The following OLFM1 variants were observed in gnomAD, a reference collection of about 807,000 sequenced individuals.
OLFM1 encodes the protein noelin.
Under a neutral mutation model 49.7 loss-of-function variants are expected in OLFM1, and 9 were observed. The observed-to-expected ratio is 0.18, with a 90% CI of 0.11 to 0.32. The LOEUF is 0.32. Among genes scored for constraint, OLFM1 ranks in the 10% least tolerant of loss-of-function variants. The pLI, the probability that OLFM1 is intolerant of heterozygous loss-of-function variation, is 1.00. For synonymous variants in OLFM1, 240 were observed against 271.8 expected, an observed-to-expected ratio of 0.88 and a Z score of 1.15; for missense variants, 369 against 661.8, an observed-to-expected ratio of 0.56 and a Z score of 4.85.
upstream of OLFM1, chr9:135,087,562 G>C: frequency 8.9e-7 from 1 of 1,127,258 alleles, no homozygotes. Flanking sequence ...GCGGGGAGCC[G>C]AGCGAGAGGA....
chr9:135,104,714 C>T (rs981223350), intron 4 of OLFM1, among the ~76,000 whole-genome samples: 17 of 152,206 alleles, frequency 1.1e-4, no homozygotes, highest in Admixed American at 3.9e-4. Flanking sequence ...CTTCTCCCAG[C>T]GCCCACCCAG....
upstream of OLFM1, chr9:135,086,868 C>G (rs1383239557): frequency 5.4e-6 from 2 of 371,412 alleles, no homozygotes; most frequent in Non-Finnish European, 1.1e-5. Flanking sequence ...CCACCACAGA[C>G]CCCAGTCCCC....
At chr9:135,089,993 G>A (rs1588206725) in intron 1 of OLFM1, among the ~76,000 whole-genome samples, 1 of 152,198 alleles carries the variant, frequency 6.6e-6, no homozygotes, top group South Asian at 2.1e-4. Flanking sequence ...CCAGCCCTGA[G>A]CCCCCTAACA....
At position 135,088,753 on chromosome 9, in the gene OLFM1, C is replaced by T. The variant is rs1033871567; in HGVS notation, c.150+614C>T. ...GTTCCTTCTCCTCCGAGGACGGTGC[C>T]GAGGGGCTTGGGTGGGGCCCCTGGG... is the stretch of plus-strand genomic sequence containing the variant. On this transcript the variant is annotated intron_variant, in intron 1 of 5. Coordinates refer to ENST00000371793, the MANE Select transcript of OLFM1 (RefSeq NM_001282611.2). This position sits in a 1 kb window ranked among gnomAD's most constrained non-coding sequence, Gnocchi z 4.8. Among the ~76,000 whole-genome samples, 1 of 152,144 alleles carries T rather than the reference C, an allele frequency of 6.6e-6. No homozygotes were observed. Among genetic ancestry groups the T allele is most frequent in the Non-Finnish European group, 1.5e-5 (1 of 68,000 alleles).
In OLFM1 at chr9:135,117,623, C is replaced by G. The variant is rs562685032; in HGVS notation, c.784-1881C>G. On this transcript the variant is annotated intron_variant, in intron 5 of 5. Coordinates refer to ENST00000371793, the MANE Select transcript of OLFM1 (RefSeq NM_001282611.2). The surrounding 1 kb of genome is among the most constrained non-coding windows in gnomAD (Gnocchi z 5.5). ...GCCCCCTTCAGCCCTGGGTTCTGTA[C>G]TGAAGGAGCTCCTTTCTTGCACACG... 6.6e-6 allele frequency among the ~76,000 whole-genome samples: 1 copy of G among 152,260 alleles called. No individual in the cohort carries two copies.
Position 135,087,988 on chromosome 9 carries a change from C to T in OLFM1, c.-2C>T, listed in dbSNP as rs1159999634. ...CGGGCGCTGGAGGCAGCTCGAGGCG[C>T]GATGTCGGTGCCGCTGCTCAAGATC... On this transcript the variant is annotated 5_prime_UTR_variant, in exon 1 of 6. Coordinates refer to ENST00000371793, the MANE Select transcript of OLFM1 (RefSeq NM_001282611.2). 1.3e-5 allele frequency: 19 copies of T among 1,444,128 alleles called. No homozygotes were observed. The highest frequency in any genetic ancestry group is 4.9e-5 in the Admixed American group (2 of 41,054). 89.5% of individuals were successfully genotyped at this position (1,444,128 alleles called of 1,614,324 possible).
rs1170775587 is a variant in OLFM1, at chr9:135,088,214, G to C, written c.150+75G>C. The C allele has an allele frequency of 8.4e-7, 1 of 1,195,798 alleles. No homozygotes were observed. The highest frequency in any genetic ancestry group is 1.0e-6 in the Non-Finnish European group (1 of 956,120). 74.1% of individuals were successfully genotyped at this position (1,195,798 alleles called of 1,614,324 possible). On this transcript the variant is annotated intron_variant, in intron 1 of 5. Transcript: ENST00000371793. This position sits in a 1 kb window ranked among gnomAD's most constrained non-coding sequence, Gnocchi z 4.8. ...CTCCCCCTCCTCGGTCCGGAGCCCC[G>C]GGCTGGGCGGGCGCCGCGCGGGACC...
rs1564281697 is a variant in OLFM1, at chr9:135,117,317, C to T, written c.784-2187C>T. Among the ~76,000 whole-genome samples, 1 of 152,212 alleles carries T rather than the reference C, an allele frequency of 6.6e-6. No homozygotes were observed. Among genetic ancestry groups the T allele is most frequent in the African/African-American group, 2.4e-5 (1 of 41,460 alleles). On this transcript the variant is annotated intron_variant, in intron 5 of 5. Coordinates refer to ENST00000371793, the MANE Select transcript of OLFM1 (RefSeq NM_001282611.2). This position sits in a 1 kb window ranked among gnomAD's most constrained non-coding sequence, Gnocchi z 5.5. ...GCTTCTTCAAAGCCCATATTCTTCT[C>T]GGAGAGGCACTTTTGCTGGATTAGG...
chr9:135,101,575 C>T (rs1285444441), intron 4 of OLFM1, among the ~76,000 whole-genome samples: 2 of 152,232 alleles, frequency 1.3e-5, no homozygotes, highest in Non-Finnish European at 2.9e-5. Flanking sequence ...GAATCTGAAC[C>T]TCTCCTCTCG....
intron 4 of OLFM1, among the ~76,000 whole-genome samples, chr9:135,100,637 G>A (rs765445013): frequency 2.4e-4 from 36 of 152,218 alleles, no homozygotes; most frequent in Admixed American, 5.9e-4. Context: ...GAGCTCCCCC[G>A]TTAGAGGAGG....
At chr9:135,091,474 CACATTCACACAT>C (rs1830685221) in intron 2 of OLFM1, among the ~76,000 whole-genome samples, 1 of 151,554 alleles carries the variant, frequency 6.6e-6, no homozygotes, top group African/African-American at 2.4e-5. Context: ...CACAGTCACA[CACATTCACACAT>C]AGTCACACAC....
At chr9:135,103,506 C>T (rs551443902) in intron 4 of OLFM1, among the ~76,000 whole-genome samples, 4 of 152,312 alleles carry the variant, frequency 2.6e-5, no homozygotes, top group South Asian at 4.1e-4. Flanking sequence ...TTTTAAGGCT[C>T]ATTTCAAGGG....
chr9:135,109,705 A>G (rs1189638512), intron 5 of OLFM1, among the ~76,000 whole-genome samples: 1 of 152,018 alleles, frequency 6.6e-6, no homozygotes, highest in Admixed American at 6.5e-5. Context: ...CAGGAGCCCA[A>G]TAACTCGCTC....
Position 135,075,984 on chromosome 9 carries a change from G to A in OLFM1, c.96+182G>A. On this transcript the variant is annotated intron_variant, in intron 1 of 5. Coordinates refer to the OLFM1 transcript ENST00000252854. Reference sequence around the variant, plus strand: ...GGCTGGACCTGGGTGGGAGGGAGGGGTGCAGGCTGACCGGAGACGGCGCTC... The same window carrying A: ...GGCTGGACCTGGGTGGGAGGGAGGGATGCAGGCTGACCGGAGACGGCGCTC... 5 of 1,365,668 alleles carry A rather than the reference G, an allele frequency of 3.7e-6. No individual in the cohort carries two copies. In the South Asian group the frequency reaches 7.7e-5, roughly 21 times the overall value. 84.6% of individuals were successfully genotyped at this position (1,365,668 alleles called of 1,614,324 possible). A position where few individuals can be genotyped will look rare whatever the true frequency, so the allele number is the denominator to read the frequency against.
rs1005506831 is a variant in OLFM1 at position 135,080,264 on chromosome 9, C to G, written c.96+4462C>G. On this transcript the variant is annotated intron_variant, in intron 1 of 5. Transcript: ENST00000252854. The surrounding 1 kb of genome is among the most constrained non-coding windows in gnomAD (Gnocchi z 4.5). ...TGTCCCCCTGCCAGGCCCTCTTCCC[C>G]TCCAGCTTCTCTGCCCCCTCTGTTT... Among the ~76,000 whole-genome samples, 15 of 152,086 alleles carry G rather than the reference C, an allele frequency of 9.9e-5. No individual in the cohort carries two copies. The highest frequency in any genetic ancestry group is 2.1e-4 in the Non-Finnish European group (14 of 68,026).
intron 5 of OLFM1, among the ~76,000 whole-genome samples, chr9:135,112,858 G>T (rs1054991967): frequency 2.0e-5 from 3 of 152,204 alleles, no homozygotes. Flanking sequence ...AAGGAAGGGG[G>T]ATGAGAAGAG....
intron 2 of OLFM1, among the ~76,000 whole-genome samples, chr9:135,092,034 G>A (rs531078367): frequency 6.6e-6 from 1 of 152,364 alleles, no homozygotes; most frequent in East Asian, 1.9e-4. Flanking sequence ...GAGGGGCGGG[G>A]GGCCTCTGTG....
At position 135,076,603 on chromosome 9, in the gene OLFM1, G is replaced by A. The variant is rs144853464; in HGVS notation, c.96+801G>A. On this transcript the variant is annotated intron_variant, in intron 1 of 5. Transcript: ENST00000252854. ...GGGTTGCTTTGGCACTATGGTGCTC[G>A]GAAGAGCCTGCCAGCCGAGGGAGCC... is the stretch of plus-strand genomic sequence containing the variant. 1.8e-3 allele frequency: 1,886 copies of A among 1,069,030 alleles called. 46 individuals are homozygous for A. In the South Asian group the frequency reaches 0.029, roughly 17 times the overall value. 66.2% of individuals were successfully genotyped at this position (1,069,030 alleles called of 1,614,324 possible).
chr9:135,105,972 T>C (rs964155007), intron 4 of OLFM1: 1 of 152,456 alleles, frequency 6.6e-6, no homozygotes, highest in African/African-American at 2.4e-5. Flanking sequence ...GAAGCCGCCC[T>C]GAGCCCTCGG....
Sources: gnomAD v4.1 joint callset for allele counts (sites outside exome capture counted in the v4.1 genomes callset) on GRCh38, gnomAD v4.1.1 for gene constraint, Gnocchi (gnomAD v3.1) non-coding constraint, MANE v1.5 for transcripts, NCBI Gene and HGNC (gene_info 2026-07-23, HGNC 2026-07-21) for gene names.